The following XYLT1 variants were observed in gnomAD, a reference collection of about 807,000 sequenced individuals.
The protein encoded by XYLT1 is xylosyltransferase 1.
A neutral mutation model predicts 91.3 loss-of-function variants in XYLT1; 36 were observed. The observed-to-expected ratio is 0.39, with a 90% CI of 0.30 to 0.52. XYLT1 has a LOEUF of 0.52. Among genes scored for constraint, XYLT1 ranks in the 20% least tolerant of loss-of-function variants. The pLI, the probability that XYLT1 is intolerant of heterozygous loss-of-function variation, is 0.68. For missense variants in XYLT1, 1,242 were observed against 1,284.5 expected, an observed-to-expected ratio of 0.97 and a Z score of 0.51; for synonymous variants, 588 against 532.0, an observed-to-expected ratio of 1.11 and a Z score of -1.45.
At chr16:17,290,749 T>A (rs1251579221) in intron 2 of XYLT1, among the ~76,000 whole-genome samples, 1 of 152,240 alleles carries the variant, frequency 6.6e-6, no homozygotes, top group Admixed American at 6.5e-5. Flanking sequence ...AGGGCAGAGC[T>A]GAGATTCACA....
In XYLT1 at chr16:17,470,817, G is replaced by A. The variant is rs1250142857; in HGVS notation, c.-21C>T. ...ACCATCTTCGGAGCGCGGCCGGCGA[G>A]CGAGGCGCGGGGACCCCGGCACGCT... On this transcript the variant is annotated 5_prime_UTR_variant, in exon 1 of 12. Coordinates refer to ENST00000261381, the MANE Select transcript of XYLT1 (RefSeq NM_022166.4). 1.1e-6 allele frequency: 1 copy of A among 885,518 alleles called. No individual in the cohort carries two copies. Among genetic ancestry groups the A allele is most frequent in the Non-Finnish European group, 1.3e-6 (1 of 789,258 alleles). 54.9% of individuals were successfully genotyped at this position (885,518 alleles called of 1,614,324 possible). A position where few individuals can be genotyped will look rare whatever the true frequency, so the allele number is the denominator to read the frequency against.
intron 7 of XYLT1, among the ~76,000 whole-genome samples, chr16:17,139,382 G>A (rs866949308): frequency 2.6e-5 from 4 of 152,186 alleles, no homozygotes; most frequent in East Asian, 1.9e-4. Flanking sequence ...GATGCAGGAG[G>A]TGGGACTGAA....
At chr16:17,280,946 C>A (rs1018921658) in intron 2 of XYLT1, among the ~76,000 whole-genome samples, 8 of 152,190 alleles carry the variant, frequency 5.3e-5, no homozygotes, top group Non-Finnish European at 1.2e-4. Context: ...TTGGACTAAT[C>A]TGGGAGCCTT....
At chr16:17,162,409 C>CAAAAA (rs5815946) in intron 5 of XYLT1, among the ~76,000 whole-genome samples, 79 of 139,048 alleles carry the variant, frequency 5.7e-4, no homozygotes, top group Admixed American at 1.8e-3. Context: ...GACTCTGTCT[C>CAAAAA]AAAAAAAAAA....
intron 3 of XYLT1, among the ~76,000 whole-genome samples, chr16:17,229,890 GAGTTCAT>G (rs1445793190): frequency 6.6e-6 from 1 of 152,194 alleles, no homozygotes; most frequent in Non-Finnish European, 1.5e-5. Flanking sequence ...AAATTAAGAT[GAGTTCAT>G]ACTGGGTTAG....
chr16:17,158,469 A>G (rs1051738381), intron 6 of XYLT1, among the ~76,000 whole-genome samples: 3 of 152,234 alleles, frequency 2.0e-5, no homozygotes, highest in Admixed American at 6.5e-5. Context: ...GACTGAATGA[A>G]CGATCTGGGG....
chr16:17,235,338 T>C (rs186333974), intron 3 of XYLT1, among the ~76,000 whole-genome samples: 5 of 141,846 alleles, frequency 3.5e-5, no homozygotes, highest in South Asian at 4.4e-4. Context: ...AGACCTACTA[T>C]GTGCTGAATG....
chr16:17,121,446 A>G (rs935790003), intron 10 of XYLT1, among the ~76,000 whole-genome samples: 1 of 152,212 alleles, frequency 6.6e-6, no homozygotes, highest in Non-Finnish European at 1.5e-5. Context: ...GTCCACCACC[A>G]TCCACTGCAG....
intron 2 of XYLT1, among the ~76,000 whole-genome samples, chr16:17,332,407 C>T (rs2034910988): frequency 1.3e-5 from 2 of 152,010 alleles, no homozygotes; most frequent in South Asian, 4.2e-4. Flanking sequence ...ACTAAAAATA[C>T]AAAAATTAGC....
At chr16:17,138,763 C>CA (rs1225784897) in intron 7 of XYLT1, 8 of 488,658 alleles carry the variant, frequency 1.6e-5, no homozygotes, top group Admixed American at 3.2e-5. Flanking sequence ...CATAGCAATG[C>CA]AAAAATGTAT....
chr16:17,148,600 C>G (rs57599837), intron 6 of XYLT1, among the ~76,000 whole-genome samples: 3,516 of 152,274 alleles, frequency 0.023, 140 homozygotes, highest in African/African-American at 0.079. Flanking sequence ...GGTATTGGAT[C>G]CTTCTAACAC....
At chr16:17,411,277 A>C (rs1036571591) in intron 1 of XYLT1, among the ~76,000 whole-genome samples, 4 of 152,230 alleles carry the variant, frequency 2.6e-5, no homozygotes, top group African/African-American at 9.6e-5. Context: ...GTTGATAATA[A>C]AAGCTAAAAT....
chr16:17,153,647 A>G (rs1320380139), intron 6 of XYLT1, among the ~76,000 whole-genome samples: 5 of 152,174 alleles, frequency 3.3e-5, no homozygotes, highest in African/African-American at 7.2e-5. Context: ...CATAATATCC[A>G]TAAGTCATGG....
chr16:17,431,048 C>T (rs1267356940), intron 1 of XYLT1, among the ~76,000 whole-genome samples: 1 of 152,120 alleles, frequency 6.6e-6, no homozygotes, highest in Non-Finnish European at 1.5e-5. Flanking sequence ...GGTGGGCAAG[C>T]ATTTTCTGTA....
intron 2 of XYLT1, among the ~76,000 whole-genome samples, chr16:17,341,537 T>C (rs1042629052): frequency 6.6e-6 from 1 of 152,216 alleles, no homozygotes; most frequent in African/African-American, 2.4e-5. Context: ...AATACACTCA[T>C]GTACACATAT....
intron 10 of XYLT1, among the ~76,000 whole-genome samples, chr16:17,120,511 AC>A (rs2030010630): frequency 6.6e-6 from 1 of 151,910 alleles, no homozygotes; most frequent in African/African-American, 2.4e-5. Flanking sequence ...GGACCGGTCT[AC>A]CTTTCCCCGC....
chr16:17,294,568 G>A (rs1050283930), intron 2 of XYLT1, among the ~76,000 whole-genome samples: 2 of 152,090 alleles, frequency 1.3e-5, no homozygotes, highest in African/African-American at 4.8e-5. Flanking sequence ...TGTTGTAAGG[G>A]CTTTTAGGGG....
intron 1 of XYLT1, among the ~76,000 whole-genome samples, chr16:17,398,677 T>C (rs778772015): frequency 4.5e-4 from 69 of 152,238 alleles, no homozygotes; most frequent in Middle Eastern, 3.4e-3. Flanking sequence ...TGAGAAAGAA[T>C]GTTCCATGCC....
At chr16:17,385,261 AACACACATACACACAC>A (rs1567403781) in intron 1 of XYLT1, among the ~76,000 whole-genome samples, 1 of 108,102 alleles carries the variant, frequency 9.3e-6, no homozygotes, top group African/African-American at 3.4e-5. Flanking sequence ...AACACACATA[AACACACATACACACAC>A]ACACACACAC....
Sources: gnomAD v4.1 joint callset for allele counts (sites outside exome capture counted in the v4.1 genomes callset) on GRCh38, gnomAD v4.1.1 for gene constraint, MANE v1.5 for transcripts, NCBI Gene and HGNC (gene_info 2026-07-23, HGNC 2026-07-21) for gene names.